FNDC3A: variants seen among roughly 807,000 people sequenced by gnomAD.
FNDC3A encodes fibronectin type III domain containing 3A, also known as fibronectin type-III domain-containing protein 3A.
FNDC3A carries 32 observed loss-of-function variants against 148.9 expected under a neutral mutation model. That is an observed-to-expected ratio of 0.21 (90% CI 0.16 to 0.29). FNDC3A has a LOEUF of 0.29. FNDC3A is among the 10% of genes least tolerant of loss of function. The pLI is 1.00. For synonymous variants in FNDC3A, 472 were observed against 473.6 expected (o/e 1.00, Z 0.04); for missense variants, 1,191 against 1,452.8 (o/e 0.82, Z 2.93).
intron 2 of FNDC3A, among the ~76,000 whole-genome samples, chr13:49,028,859 G>A (rs949918042): frequency 2.0e-5 from 3 of 152,140 alleles, no homozygotes; most frequent in African/African-American, 4.8e-5. Flanking sequence ...AAACCTGATA[G>A]ACATCTGTAG....
At chr13:49,173,902 T>C (rs1166008657) in intron 11 of FNDC3A, among the ~76,000 whole-genome samples, 6 of 152,226 alleles carry the variant, frequency 3.9e-5, no homozygotes, top group Non-Finnish European at 5.9e-5. Flanking sequence ...TCTCTCCTTC[T>C]TATTGCCTGT....
At chr13:48,987,449 A>G (rs1951827259) in intron 1 of FNDC3A, among the ~76,000 whole-genome samples, 1 of 152,186 alleles carries the variant, frequency 6.6e-6, no homozygotes, top group South Asian at 2.1e-4. Context: ...GTATTAAGGT[A>G]TAATTTCTTA....
chr13:49,116,717 C>T (rs1346092412), intron 4 of FNDC3A, among the ~76,000 whole-genome samples: 1 of 148,726 alleles, frequency 6.7e-6, no homozygotes, highest in East Asian at 2.0e-4. Context: ...ACCTGGGAGG[C>T]GGAGGTTGCA....
intron 4 of FNDC3A, among the ~76,000 whole-genome samples, chr13:49,129,488 T>G (rs532100906): frequency 2.0e-5 from 3 of 152,346 alleles, no homozygotes; most frequent in South Asian, 4.1e-4. Context: ...TGACAGATAC[T>G]GTGATTTGGC....
At chr13:49,193,900 C>T (rs1472473141) in intron 19 of FNDC3A, among the ~76,000 whole-genome samples, 1 of 151,260 alleles carries the variant, frequency 6.6e-6, no homozygotes, top group African/African-American at 2.4e-5. Context: ...GCCTGGGCGA[C>T]AGAGTGAGAC....
At chr13:49,202,862 T>TGGG (rs1202781428) in intron 24 of FNDC3A, among the ~76,000 whole-genome samples, 1 of 152,138 alleles carries the variant, frequency 6.6e-6, no homozygotes, top group Non-Finnish European at 1.5e-5. Flanking sequence ...TTGAATCAGC[T>TGGG]GGGCATGGCA....
At chr13:49,148,865 T>C (rs1394752914) in intron 8 of FNDC3A, among the ~76,000 whole-genome samples, 5 of 152,212 alleles carry the variant, frequency 3.3e-5, no homozygotes, top group Non-Finnish European at 7.3e-5. Context: ...GTTTGTGTTC[T>C]CTTCAATTTC....
intron 2 of FNDC3A, among the ~76,000 whole-genome samples, chr13:49,010,523 A>G (rs1952318457): frequency 6.6e-6 from 1 of 152,238 alleles, no homozygotes; most frequent in Non-Finnish European, 1.5e-5. Flanking sequence ...TGATGAATGG[A>G]TGCCAACGGA....
At chr13:49,190,709 G>A (rs1197388189) in intron 17 of FNDC3A, among the ~76,000 whole-genome samples, 1 of 152,150 alleles carries the variant, frequency 6.6e-6, no homozygotes, top group African/African-American at 2.4e-5. Flanking sequence ...TGTGTTGGAA[G>A]TTGTTTTTTT....
At chr13:49,022,275 A>T (rs1394287459) in intron 2 of FNDC3A, among the ~76,000 whole-genome samples, 1 of 152,196 alleles carries the variant, frequency 6.6e-6, no homozygotes, top group African/African-American at 2.4e-5. Flanking sequence ...AGTAGAGTAA[A>T]GGTGCTTCCC....
At position 49,105,729 on chromosome 13, in the gene FNDC3A, C is replaced by T. The variant is rs544429846; in HGVS notation, c.176-8926C>T. ...TATGAATGTTCTAAATTACATCCTTCGGTTGGTGTTATATGTAAGCATTTC... is the reference window on the plus strand; with the variant it reads ...TATGAATGTTCTAAATTACATCCTTTGGTTGGTGTTATATGTAAGCATTTC... On this transcript the variant is annotated intron_variant, in intron 3 of 25. Coordinates refer to ENST00000492622, the MANE Select transcript of FNDC3A (RefSeq NM_001079673.2). 3.9e-5 allele frequency among the ~76,000 whole-genome samples: 6 copies of T among 152,194 alleles called. No individual in the cohort carries two copies. In the South Asian group the frequency reaches 6.2e-4, roughly 16 times the overall value.
rs1003632847 is a variant in FNDC3A at position 49,208,454 on chromosome 13, A to G, written c.*1059A>G. 5 of 152,674 alleles carry G rather than the reference A, an allele frequency of 3.3e-5. No homozygotes were observed. Among genetic ancestry groups the G allele is most frequent in the African/African-American group, 1.2e-4 (5 of 41,466 alleles). 9.5% of individuals were successfully genotyped at this position (152,674 alleles called of 1,614,324 possible). A position where few individuals can be genotyped will look rare whatever the true frequency, so the allele number is the denominator to read the frequency against. Reference sequence around the variant, plus strand: ...TCTGAAGACAAAATTAATTTGCACCAGTAAACTTCAAGCTGCTTTCTTTCT... The same window carrying G: ...TCTGAAGACAAAATTAATTTGCACCGGTAAACTTCAAGCTGCTTTCTTTCT... On this transcript the variant is annotated 3_prime_UTR_variant, in exon 26 of 26. Transcript: ENST00000492622.
chr13:48,989,838 G>A (rs1257701104), intron 1 of FNDC3A, among the ~76,000 whole-genome samples: 4 of 150,514 alleles, frequency 2.7e-5, no homozygotes, highest in South Asian at 2.1e-4. Flanking sequence ...TGTAACCTTC[G>A]CCTCCCAGGT....
intron 15 of FNDC3A, 118 bp downstream of exon 15, chr13:49,186,220 G>C: frequency 1.3e-6 from 1 of 790,786 alleles, no homozygotes; most frequent in East Asian, 2.7e-5. Flanking sequence ...AGTCCAAAAA[G>C]AAATGTGAGA....
Position 49,078,943 on chromosome 13 carries a change from C to A in FNDC3A, c.175+3579C>A, listed in dbSNP as rs374670148. ...GACAGCCACTATACTAATAAAATCT[C>A]TATATTAAAACCTAATGAATTGAGA... On this transcript the variant is annotated intron_variant, in intron 3 of 25. Coordinates refer to ENST00000492622, the MANE Select transcript of FNDC3A (RefSeq NM_001079673.2). Among the ~76,000 whole-genome samples the A allele has an allele frequency of 2.6e-5, 4 of 152,268 alleles. No homozygotes were observed. The East Asian group carries it at 7.7e-4, about 29-fold the overall frequency.
At chr13:49,051,211 G>T (rs1875817014) in intron 2 of FNDC3A, among the ~76,000 whole-genome samples, 1 of 151,932 alleles carries the variant, frequency 6.6e-6, no homozygotes, top group Non-Finnish European at 1.5e-5. Flanking sequence ...TGAATATCTT[G>T]GGTTTTTGTT....
intron 1 of FNDC3A, among the ~76,000 whole-genome samples, chr13:49,002,319 G>C (rs1361073218): frequency 6.6e-6 from 1 of 152,062 alleles, no homozygotes; most frequent in African/African-American, 2.4e-5. Context: ...CCTTTATTAT[G>C]TTGAGGTATA....
At chr13:48,998,904 A>G (rs1433383006) in intron 1 of FNDC3A, among the ~76,000 whole-genome samples, 1 of 152,240 alleles carries the variant, frequency 6.6e-6, no homozygotes, top group African/African-American at 2.4e-5. Context: ...ATTAAAGGAA[A>G]TAGAGAACAT....
chr13:48,988,840 G>A (rs1344207073), intron 1 of FNDC3A, among the ~76,000 whole-genome samples: 2 of 142,658 alleles, frequency 1.4e-5, no homozygotes, highest in African/African-American at 2.7e-5. Context: ...GTGAGAACTT[G>A]TCTCAAAAAA....
Sources: gnomAD v4.1 joint callset for allele counts (sites outside exome capture counted in the v4.1 genomes callset) on GRCh38, gnomAD v4.1.1 for gene constraint, MANE v1.5 for transcripts, NCBI Gene and HGNC (gene_info 2026-07-23, HGNC 2026-07-21) for gene names.